Variants in FARP2 observed in about 807,000 individuals in gnomAD.
FARP2 encodes the protein FERM, ARH/RhoGEF and pleckstrin domain protein 2.
FARP2 carries 111 observed loss-of-function variants against 130.5 expected under a neutral mutation model. The ratio of observed to expected loss-of-function variants is 0.85; its 90% CI spans 0.73 to 1.00. The LOEUF (loss-of-function observed/expected upper bound fraction) is 1.00. Ranked by LOEUF, FARP2 falls within the 50% of genes least tolerant of loss-of-function variation. The pLI is 0.00. For synonymous variants in FARP2, 504 were observed against 516.9 expected (o/e 0.98, Z 0.34); for missense variants, 1,385 against 1,346.3 (o/e 1.03, Z -0.45).
chr2:241,493,266 A>C, intron 25 of FARP2, 27 bp from the exon 26 acceptor site: 1 of 1,609,038 alleles, frequency 6.2e-7, no homozygotes, highest in Non-Finnish European at 8.5e-7. Context: ...CAGCCCCTGG[A>C]ACCCGTGTCC....
intron 24 of FARP2, among the ~76,000 whole-genome samples, chr2:241,491,925 G>A (rs540655716): frequency 2.6e-5 from 4 of 152,284 alleles, no homozygotes; most frequent in African/African-American, 9.6e-5. Context: ...TGTCCTCAGG[G>A]CCTGGAGCTG....
At chr2:241,423,703 G>A (rs2062863985) in intron 8 of FARP2, among the ~76,000 whole-genome samples, 1 of 152,206 alleles carries the variant, frequency 6.6e-6, no homozygotes. Context: ...TGGGTATGCT[G>A]TCTTCAAGAG....
At chr2:241,438,585 T>C (rs73004374) in intron 12 of FARP2, among the ~76,000 whole-genome samples, 28,523 of 151,564 alleles carry the variant, frequency 0.19, 2,961 homozygotes, top group East Asian at 0.4. Context: ...TCCCAGGTTT[T>C]TTCATGGGTA....
chr2:241,389,154 G>A (rs2061852204), intron 2 of FARP2, among the ~76,000 whole-genome samples: 1 of 151,906 alleles, frequency 6.6e-6, no homozygotes, highest in African/African-American at 2.4e-5. Context: ...TGTGGTGGGT[G>A]CCTATAATTC....
chr2:241,433,047 T>A (rs1574814561), intron 9 of FARP2, among the ~76,000 whole-genome samples: 1 of 152,126 alleles, frequency 6.6e-6, no homozygotes, highest in African/African-American at 2.4e-5. Flanking sequence ...TGTACAAATA[T>A]CTGTCCTGTG....
intron 13 of FARP2, among the ~76,000 whole-genome samples, chr2:241,451,050 T>A (rs2063645012): frequency 6.6e-6 from 1 of 152,184 alleles, no homozygotes; most frequent in South Asian, 2.1e-4. Flanking sequence ...CTTCCCAGGC[T>A]CAGGCATTTC....
chr2:241,428,028 A>G (rs1490656328), intron 8 of FARP2, among the ~76,000 whole-genome samples: 1 of 151,876 alleles, frequency 6.6e-6, no homozygotes, highest in Non-Finnish European at 1.5e-5. Flanking sequence ...GGCCTCCCAA[A>G]GTGCTGGGAT....
At chr2:241,485,769 G>A (rs186417818) in intron 21 of FARP2, among the ~76,000 whole-genome samples, 1 of 149,090 alleles carries the variant, frequency 6.7e-6, no homozygotes, top group Non-Finnish European at 1.5e-5. Flanking sequence ...TCCCTCCCTG[G>A]GATTTTCCCT....
chr2:241,428,234 C>T (rs1574805209), intron 8 of FARP2, among the ~76,000 whole-genome samples: 2 of 124,952 alleles, frequency 1.6e-5, no homozygotes, highest in Non-Finnish European at 3.2e-5. Flanking sequence ...CAATATTTTA[C>T]TTTTTTTTTT....
chr2:241,462,468 G>T, intron 14 of FARP2, 55 bp from the exon 15 acceptor site: 1 of 1,272,778 alleles, frequency 7.9e-7, no homozygotes. Flanking sequence ...CTCCCTGAGC[G>T]TGGGAGGGTC....
intron 7 of FARP2, among the ~76,000 whole-genome samples, chr2:241,416,121 G>A (rs201460754): frequency 1.1e-5 from 1 of 92,854 alleles, no homozygotes; most frequent in Non-Finnish European, 2.6e-5. Context: ...GTGTGTTTCT[G>A]TGTGTGGCTC....
Position 241,434,910 on chromosome 2 carries a change from A to C in FARP2, c.1032-52A>C, listed in dbSNP as rs1559766118. 7.4e-6 allele frequency: 8 copies of C among 1,086,002 alleles called. No homozygotes were observed. In the Admixed American group the frequency reaches 1.6e-4, roughly 22 times the overall value. 67.3% of individuals were successfully genotyped at this position (1,086,002 alleles called of 1,614,324 possible). On this transcript the variant is annotated intron_variant, in intron 10 of 26. Transcript: ENST00000264042. ...TTTTCTTTTGTCTTTTACTCTGAAA[A>C]ATTAATGCTGACTTACTGTTCTTTA...
intron 8 of FARP2, among the ~76,000 whole-genome samples, chr2:241,431,221 T>C (rs2063082205): frequency 6.6e-6 from 1 of 152,140 alleles, no homozygotes; most frequent in South Asian, 2.1e-4. Context: ...TTCCATCTCT[T>C]TGAACCTTTC....
At position 241,366,686 on chromosome 2, in the gene FARP2, A is replaced by G. The variant is rs565283353; in HGVS notation, c.-24-6398A>G. Among the ~76,000 whole-genome samples, 3 of 152,234 alleles carry G rather than the reference A, an allele frequency of 2.0e-5. No individual in the cohort carries two copies. The South Asian group carries it at 6.2e-4, about 32-fold the overall frequency. ...ATTTAATTTTTGGCTACCAAACACT[A>G]TAAATTAGTAGAAATCAAGAACACA... On this transcript the variant is annotated intron_variant, in intron 1 of 26. Transcript: ENST00000264042.
intron 2 of FARP2, among the ~76,000 whole-genome samples, chr2:241,390,576 T>C (rs1234231829): frequency 6.6e-6 from 1 of 152,224 alleles, no homozygotes; most frequent in South Asian, 2.1e-4. Context: ...CTTTGTAATA[T>C]CCCCTTTTCA....
At chr2:241,378,848 G>A (rs1186892797) in intron 2 of FARP2, among the ~76,000 whole-genome samples, 2 of 152,160 alleles carry the variant, frequency 1.3e-5, no homozygotes, top group Non-Finnish European at 2.9e-5. Context: ...GGGATATTTA[G>A]CTAATCAAAG....
At chr2:241,444,784 G>GT (rs1373046068) in intron 13 of FARP2, 2 of 152,158 alleles carry the variant, frequency 1.3e-5, no homozygotes, top group Non-Finnish European at 2.9e-5. Context: ...TAATTCTTTA[G>GT]TTTTTTATTT....
chr2:241,431,226 C>A (rs2063082362), intron 8 of FARP2, among the ~76,000 whole-genome samples: 1 of 152,060 alleles, frequency 6.6e-6, no homozygotes, highest in African/African-American at 2.4e-5. Context: ...TCTCTTTGAA[C>A]CTTTCAGTGT....
At chr2:241,407,191 T>G (rs1221317290) in intron 4 of FARP2, among the ~76,000 whole-genome samples, 1 of 152,190 alleles carries the variant, frequency 6.6e-6, no homozygotes, top group African/African-American at 2.4e-5. Flanking sequence ...GATTGGTACT[T>G]GGGACTCATA....
Sources: allele counts gnomAD v4.1 joint callset (sites outside exome capture counted in the v4.1 genomes callset), GRCh38; gene constraint gnomAD v4.1.1; transcripts MANE v1.5; gene names NCBI Gene and HGNC (gene_info 2026-07-23, HGNC 2026-07-21).